Variants in PUM3 observed in about 807,000 individuals in gnomAD.
The protein encoded by PUM3 is pumilio homolog 3.
In PUM3, 91 loss-of-function variants were observed where a neutral mutation model predicts 84.0. That is an observed-to-expected ratio of 1.08 (90% CI 0.91 to 1.29). The LOEUF is 1.29. PUM3 is among the 50% of genes most tolerant of loss of function. The pLI is 0.00. For synonymous variants in PUM3, 321 were observed against 266.7 expected, an observed-to-expected ratio of 1.20 and a Z score of -1.98; for missense variants, 1,067 against 767.5, an observed-to-expected ratio of 1.39 and a Z score of -4.61.
intron 1 of PUM3, among the ~76,000 whole-genome samples, chr9:2,839,179 C>T (rs1439880311): frequency 3.9e-5 from 6 of 152,156 alleles, no homozygotes; most frequent in Admixed American, 6.5e-5. Context: ...CACCATGGTG[C>T]ACAGGATAAA....
intron 10 of PUM3, among the ~76,000 whole-genome samples, chr9:2,825,644 G>A (rs1395949601): frequency 7.2e-5 from 11 of 151,926 alleles, no homozygotes; most frequent in South Asian, 4.2e-4. Context: ...CACCACCCCC[G>A]GCTAATTTTT....
Position 2,831,004 on chromosome 9 carries a change from G to A in PUM3, c.635C>T (p.Ala212Val). Residue 212 changes from alanine (A) to valine (V), a missense_variant, in exon 7 of 18, where the codon GCC (alanine) becomes GTC (valine). Transcript: ENST00000397885. ...CTTAACAATATTTCTCGAATATTTG[G>A]CTTTACTTAACTCAACCAAATCATC... The part of the protein sequence containing the change: ...LRDDLVELSK[A>V]KYSRNIVKKF... 6.7e-7 allele frequency: 1 copy of A among 1,492,572 alleles called. No individual in the cohort carries two copies. The highest frequency in any genetic ancestry group is 9.3e-7 in the Non-Finnish European group (1 of 1,075,480). 92.5% of individuals were successfully genotyped at this position (1,492,572 alleles called of 1,614,324 possible).
chr9:2,829,510 T>C (rs532827449), intron 8 of PUM3, among the ~76,000 whole-genome samples: 1 of 152,298 alleles, frequency 6.6e-6, no homozygotes, highest in African/African-American at 2.4e-5. Context: ...AAAATAGAAG[T>C]ATTGAAGTGC....
At chr9:2,843,893 G>C (rs933479742) in intron 1 of PUM3, among the ~76,000 whole-genome samples, 152 bp downstream of exon 1, 2 of 152,064 alleles carry the variant, frequency 1.3e-5, no homozygotes, top group African/African-American at 4.8e-5. Flanking sequence ...CGCCCTTCTT[G>C]CCAGGCTCCA....
intron 12 of PUM3, among the ~76,000 whole-genome samples, chr9:2,820,717 A>AT (rs1821572452): frequency 6.6e-6 from 1 of 152,208 alleles, no homozygotes; most frequent in African/African-American, 2.4e-5. Flanking sequence ...CTAGAAGAGT[A>AT]TAATTATACA....
At chr9:2,810,820 C>G (rs1478626898) in intron 15 of PUM3, among the ~76,000 whole-genome samples, 1 of 152,216 alleles carries the variant, frequency 6.6e-6, no homozygotes, top group Non-Finnish European at 1.5e-5. Context: ...AAACCCAATG[C>G]TGCATGCTGT....
chr9:2,841,584 T>G (rs566696491), intron 1 of PUM3, among the ~76,000 whole-genome samples: 1 of 152,016 alleles, frequency 6.6e-6, no homozygotes, highest in Non-Finnish European at 1.5e-5. Context: ...TAAACTACCA[T>G]AGCAATTAAT....
chr9:2,810,796 T>A (rs887941444), intron 15 of PUM3, among the ~76,000 whole-genome samples: 2 of 152,180 alleles, frequency 1.3e-5, no homozygotes, highest in Non-Finnish European at 2.9e-5. Flanking sequence ...CAGAACACTA[T>A]AGCACAAACA....
At position 2,831,038 on chromosome 9, in the gene PUM3, A is replaced by T; in HGVS notation, c.611-10T>A. On this transcript the variant is annotated splice_polypyrimidine_tract_variant and intron_variant, in intron 6 of 17. Coordinates refer to ENST00000397885, the MANE Select transcript of PUM3 (RefSeq NM_014878.5). ...AACTCAACCAAATCATCTGAAAAACAAAAATACATTACAGTGACTTCAGAT... is the reference window on the plus strand; with the variant it reads ...AACTCAACCAAATCATCTGAAAAACTAAAATACATTACAGTGACTTCAGAT... The T allele has an allele frequency of 1.5e-6, 2 of 1,370,032 alleles. No homozygotes were observed. The highest frequency in any genetic ancestry group is 2.1e-6 in the Non-Finnish European group (2 of 967,420). 84.9% of individuals were successfully genotyped at this position (1,370,032 alleles called of 1,614,324 possible).
chr9:2,823,883 G>A (rs774986818), intron 11 of PUM3, 49 bp from the exon 12 acceptor site: 1 of 899,076 alleles, frequency 1.1e-6, no homozygotes, highest in South Asian at 1.8e-5. Flanking sequence ...TGTATTAAGG[G>A]TATTTTGTAG....
intron 3 of PUM3, among the ~76,000 whole-genome samples, chr9:2,836,962 G>A (rs1816138204): frequency 6.6e-6 from 1 of 152,170 alleles, no homozygotes; most frequent in Admixed American, 6.5e-5. Context: ...TTAACTCCAT[G>A]GCTAAGGTAA....
intron 17 of PUM3, among the ~76,000 whole-genome samples, chr9:2,805,232 G>A (rs1033928203): frequency 4.3e-4 from 65 of 152,264 alleles, no homozygotes; most frequent in African/African-American, 1.5e-3. Context: ...ATAAATGTTA[G>A]CCATTCTACA....
chr9:2,827,902 T>TA (rs1489458727), intron 9 of PUM3, among the ~76,000 whole-genome samples: 3 of 152,128 alleles, frequency 2.0e-5, no homozygotes, highest in Admixed American at 6.5e-5. Flanking sequence ...TTGCAGTTAG[T>TA]AATAGTTGGG....
intron 5 of PUM3, among the ~76,000 whole-genome samples, chr9:2,833,070 C>A (rs1409520769): frequency 6.6e-6 from 1 of 152,126 alleles, no homozygotes; most frequent in Non-Finnish European, 1.5e-5. Context: ...TTATAAAATA[C>A]TACTGAACTA....
chr9:2,817,497 T>C (rs904258502), intron 13 of PUM3, among the ~76,000 whole-genome samples: 2 of 152,016 alleles, frequency 1.3e-5, no homozygotes, highest in Non-Finnish European at 2.9e-5. Context: ...CCCCTGACAA[T>C]AAATCTCACA....
chr9:2,804,414 G>A lies in PUM3; in HGVS notation c.1864C>T (p.Leu622=). Residue 622 remains leucine (L), a synonymous_variant, in exon 18 of 18, where the codon CTG becomes TTG. Transcript: ENST00000397885. ...TCCAATGTAGGAATCAAGCTTTTCA[G>A]TGCAGCTTTGACTTTGTTTGCAACT... is the stretch of plus-strand genomic sequence containing the variant. ...LEVANKVKAA[L]KSLIPTLEKT... The A allele has an allele frequency of 6.2e-7, 1 of 1,613,818 alleles. No individual in the cohort carries two copies. Among genetic ancestry groups the A allele is most frequent in the Non-Finnish European group, 8.5e-7 (1 of 1,179,872 alleles).
chr9:2,814,956 T>C (rs956296736), intron 13 of PUM3, among the ~76,000 whole-genome samples: 2 of 152,202 alleles, frequency 1.3e-5, no homozygotes. Flanking sequence ...TCTCCACAGC[T>C]TCCATGCTTA....
At chr9:2,822,401 C>G (rs1318056248) in intron 12 of PUM3, among the ~76,000 whole-genome samples, 1 of 151,892 alleles carries the variant, frequency 6.6e-6, no homozygotes, top group Admixed American at 6.6e-5. Flanking sequence ...CAGAAACCCC[C>G]AATATTTGGA....
intron 13 of PUM3, among the ~76,000 whole-genome samples, chr9:2,819,397 A>T (rs1403591538): frequency 6.6e-6 from 1 of 152,244 alleles, no homozygotes; most frequent in Non-Finnish European, 1.5e-5. Context: ...TGGCCACTAC[A>T]CTGGACTAGA....
Sources: allele counts gnomAD v4.1 joint callset (sites outside exome capture counted in the v4.1 genomes callset), GRCh38; gene constraint gnomAD v4.1.1; transcripts MANE v1.5; gene names NCBI Gene and HGNC (gene_info 2026-07-23, HGNC 2026-07-21).